EPHB1: variants seen among roughly 807,000 people sequenced by gnomAD.
EPHB1 encodes the protein EPH receptor B1.
A neutral mutation model predicts 94.4 loss-of-function variants in EPHB1; 30 were observed. The ratio of observed to expected loss-of-function variants is 0.32; its 90% confidence interval spans 0.24 to 0.43. The LOEUF (loss-of-function observed/expected upper bound fraction) is 0.43, where lower values mean the gene tolerates loss of function less well. Among genes scored for constraint, EPHB1 ranks in the 20% least tolerant of loss-of-function variants. EPHB1 has a pLI of 1.00. For synonymous variants in EPHB1, 522 were observed against 489.1 expected, an observed-to-expected ratio of 1.07 and a Z score of -0.89; for missense variants, 1,055 against 1,308.3, an observed-to-expected ratio of 0.81 and a Z score of 2.99.
intron 3 of EPHB1, among the ~76,000 whole-genome samples, chr3:135,098,360 G>A (rs201788492): frequency 6.7e-6 from 1 of 148,532 alleles, no homozygotes; most frequent in African/African-American, 2.5e-5. Context: ...GTGTGTGTGT[G>A]TATAAAATGA....
intron 1 of EPHB1, among the ~76,000 whole-genome samples, chr3:134,884,320 A>G (rs75694652): frequency 0.013 from 2,034 of 152,334 alleles, 47 homozygotes; most frequent in African/African-American, 0.046. Flanking sequence ...CTGCTGGAAG[A>G]ATTCTGGGCA....
At chr3:135,056,985 G>T (rs550060000) in intron 3 of EPHB1, among the ~76,000 whole-genome samples, 2 of 152,290 alleles carry the variant, frequency 1.3e-5, no homozygotes, top group Non-Finnish European at 2.9e-5. Flanking sequence ...CATCTGTTAT[G>T]CAGAGTGGCA....
chr3:135,090,281 GC>G (rs1391938824), intron 3 of EPHB1, among the ~76,000 whole-genome samples: 1 of 152,190 alleles, frequency 6.6e-6, no homozygotes, highest in Non-Finnish European at 1.5e-5. Context: ...GAACCTGCAA[GC>G]CCCACTTCTC....
At chr3:134,811,363 C>T (rs1050404231) in intron 1 of EPHB1, among the ~76,000 whole-genome samples, 4 of 150,018 alleles carry the variant, frequency 2.7e-5, no homozygotes, top group African/African-American at 7.3e-5. Flanking sequence ...TTCAGCCTCC[C>T]GAGTAGCTGG....
intron 1 of EPHB1, among the ~76,000 whole-genome samples, chr3:134,913,604 T>C (rs550952261): frequency 1.3e-5 from 2 of 152,208 alleles, no homozygotes; most frequent in Non-Finnish European, 2.9e-5. Flanking sequence ...AAACACTCTA[T>C]GGCCGGGGCC....
intron 1 of EPHB1, among the ~76,000 whole-genome samples, chr3:134,825,422 A>G (rs183443119): frequency 2.7e-4 from 41 of 152,380 alleles, no homozygotes; most frequent in Non-Finnish European, 1.0e-4. Flanking sequence ...ATTGAGATTG[A>G]ATGAGTGTCC....
intron 1 of EPHB1, among the ~76,000 whole-genome samples, chr3:134,799,485 C>T (rs76469496): frequency 1.1e-4 from 17 of 152,370 alleles, no homozygotes; most frequent in Non-Finnish European, 2.5e-4. Flanking sequence ...GTTTGTGGAG[C>T]TGCCTCCTCA....
chr3:135,215,770 C>G (rs1559878035), intron 12 of EPHB1, among the ~76,000 whole-genome samples: 1 of 152,178 alleles, frequency 6.6e-6, no homozygotes, highest in Non-Finnish European at 1.5e-5. Flanking sequence ...AGGCCCCACC[C>G]AAGAGTTTCT....
At chr3:135,029,795 C>T (rs1313138651) in intron 3 of EPHB1, among the ~76,000 whole-genome samples, 1 of 152,070 alleles carries the variant, frequency 6.6e-6, no homozygotes, top group Non-Finnish European at 1.5e-5. Flanking sequence ...GGGAAATTCT[C>T]CTGGATAATA....
At chr3:135,151,747 C>T (rs1204294718) in intron 5 of EPHB1, among the ~76,000 whole-genome samples, 2 of 152,248 alleles carry the variant, frequency 1.3e-5, no homozygotes, top group East Asian at 1.9e-4. Context: ...ATACACTTGA[C>T]AGCTTAATCA....
chr3:134,849,123 C>T (rs1295754745), intron 1 of EPHB1, among the ~76,000 whole-genome samples: 1 of 152,234 alleles, frequency 6.6e-6, no homozygotes, highest in Non-Finnish European at 1.5e-5. Flanking sequence ...AGCATCAGCA[C>T]ACACACTGGT....
intron 1 of EPHB1, among the ~76,000 whole-genome samples, chr3:134,919,410 A>T (rs1398357113): frequency 6.6e-6 from 1 of 152,188 alleles, no homozygotes; most frequent in Admixed American, 6.5e-5. Context: ...TGGTGCCCTT[A>T]ACAGTTTACA....
rs1174603860 is a variant in EPHB1, at chr3:135,056,557, CTG to C, written c.806-49888_806-49887del. Among the ~76,000 whole-genome samples, 18 of 152,378 alleles carry C rather than the reference CTG, an allele frequency of 1.2e-4. No homozygotes were observed. In the South Asian group the frequency reaches 1.9e-3, roughly 16 times the overall value. On this transcript the variant is annotated intron_variant, in intron 3 of 15. Transcript: ENST00000398015. ...TGGAGACTCACTCAGGTGGTGCTGA[CTG>C]TGCCCTAGGGCACTTCTGAGCAAAG... is the stretch of plus-strand genomic sequence containing the variant.
intron 5 of EPHB1, among the ~76,000 whole-genome samples, chr3:135,149,402 A>G (rs1387729561): frequency 6.6e-6 from 1 of 152,218 alleles, no homozygotes; most frequent in African/African-American, 2.4e-5. Flanking sequence ...AAACCATTGT[A>G]TATGGGGGCA....
intron 3 of EPHB1, among the ~76,000 whole-genome samples, chr3:134,975,513 AG>A (rs1335490108): frequency 6.6e-6 from 1 of 152,158 alleles, no homozygotes; most frequent in African/African-American, 2.4e-5. Flanking sequence ...CATCAGAGAC[AG>A]CCTCCCAGGA....
At chr3:135,133,940 G>A (rs1043965674) in intron 5 of EPHB1, among the ~76,000 whole-genome samples, 3 of 152,244 alleles carry the variant, frequency 2.0e-5, no homozygotes, top group African/African-American at 7.2e-5. Context: ...GAAGGATGCA[G>A]TGATACTTGG....
chr3:135,094,140 G>A lies in EPHB1; in HGVS notation c.806-12308G>A, dbSNP rs1938660247. Among the ~76,000 whole-genome samples the A allele has an allele frequency of 3.3e-5, 5 of 152,250 alleles. No homozygotes were observed. The South Asian group carries it at 1.0e-3, about 32-fold the overall frequency. ...CACCATTAGGCCATTTGCCTCTCTG[G>A]GTCCTACTTCTCCATCAAGCCCTGG... On this transcript the variant is annotated intron_variant, in intron 3 of 15. Transcript: ENST00000398015.
intron 12 of EPHB1, among the ~76,000 whole-genome samples, chr3:135,231,899 A>C (rs1193071391): frequency 6.6e-6 from 1 of 152,196 alleles, no homozygotes; most frequent in East Asian, 1.9e-4. Flanking sequence ...CATAATCCTT[A>C]GCACGGTAAT....
At chr3:135,044,807 T>C (rs1043305058) in intron 3 of EPHB1, among the ~76,000 whole-genome samples, 5 of 152,266 alleles carry the variant, frequency 3.3e-5, no homozygotes, top group Non-Finnish European at 5.9e-5. Context: ...TAAAATAAGC[T>C]GCCTACTCAT....
Sources: allele counts gnomAD v4.1 joint callset (sites outside exome capture counted in the v4.1 genomes callset), GRCh38; gene constraint gnomAD v4.1.1; transcripts MANE v1.5; gene names NCBI Gene and HGNC (gene_info 2026-07-23, HGNC 2026-07-21).